Variants in SLC25A27 observed in about 807,000 individuals in gnomAD.
SLC25A27 encodes mitochondrial uncoupling protein 4.
Under a neutral mutation model 49.1 loss-of-function variants are expected in SLC25A27, and 35 were observed. The ratio of observed to expected loss-of-function variants is 0.71; its 90% CI spans 0.54 to 0.95. The LOEUF (loss-of-function observed/expected upper bound fraction) is 0.95, where lower values mean the gene tolerates loss of function less well. Among genes scored for constraint, SLC25A27 ranks in the 40% least tolerant of loss-of-function variants. SLC25A27 has a pLI of 0.00. For synonymous variants in SLC25A27, 144 were observed against 136.9 expected, an observed-to-expected ratio of 1.05 and a Z score of -0.36; for missense variants, 339 against 397.1, an observed-to-expected ratio of 0.85 and a Z score of 1.24.
chr6:46,662,982 A>G (rs1029778407), intron 4 of SLC25A27, among the ~76,000 whole-genome samples: 1 of 152,206 alleles, frequency 6.6e-6, no homozygotes, highest in Non-Finnish European at 1.5e-5. Context: ...AGAGAGTAGC[A>G]AGGATAACGT....
At position 46,677,899 on chromosome 6, in the gene SLC25A27, A is replaced by G. The variant is rs1763854583; in HGVS notation, c.*1445A>G. 1 of 152,276 alleles carries G rather than the reference A, an allele frequency of 6.6e-6. No homozygotes were observed. Among genetic ancestry groups the G allele is most frequent in the Admixed American group, 6.6e-5 (1 of 15,240 alleles). The allele number at this position is 152,276 out of a possible 1,614,324, so 9.4% of individuals were successfully genotyped here. A position where few individuals can be genotyped will look rare whatever the true frequency, so the allele number is the denominator to read the frequency against. On this transcript the variant is annotated 3_prime_UTR_variant, in exon 9 of 9. Transcript: ENST00000371347. ...GGAAGTACATTTTAAAATATATTTGAATGTCATGTACTGATATGCAGTAGC... is the reference window on the plus strand; with the variant it reads ...GGAAGTACATTTTAAAATATATTTGGATGTCATGTACTGATATGCAGTAGC...
chr6:46,675,423 A>G (rs1191838089), intron 8 of SLC25A27, among the ~76,000 whole-genome samples: 2 of 152,122 alleles, frequency 1.3e-5, no homozygotes, highest in African/African-American at 2.4e-5. Flanking sequence ...CTATGTCATC[A>G]TACCTTTAAA....
chr6:46,673,770 C>G (rs1763648541), intron 8 of SLC25A27, among the ~76,000 whole-genome samples: 1 of 152,122 alleles, frequency 6.6e-6, no homozygotes, highest in Non-Finnish European at 1.5e-5. Flanking sequence ...TAGATGAACT[C>G]TATGGAGCAC....
At chr6:46,662,306 T>G in intron 3 of SLC25A27, 70 bp from the exon 4 acceptor site, 1 of 1,370,104 alleles carries the variant, frequency 7.3e-7, no homozygotes. Context: ...CTGTACCAGC[T>G]CAGTATTGGT....
intron 2 of SLC25A27, among the ~76,000 whole-genome samples, chr6:46,657,289 C>A (rs1763015960): frequency 6.6e-6 from 1 of 152,014 alleles, no homozygotes; most frequent in Non-Finnish European, 1.5e-5. Context: ...ATGGTGAAAC[C>A]CTGTCTCTAC....
In SLC25A27 at chr6:46,653,719, A is replaced by G. The variant is rs541081433; in HGVS notation, c.106+421A>G. On this transcript the variant is annotated intron_variant, in intron 1 of 8. Coordinates refer to ENST00000371347, the MANE Select transcript of SLC25A27 (RefSeq NM_004277.5). Reference sequence around the variant, plus strand: ...TCTTGTGGGTCCAAGTTGTGGACCTACCTTGTGGGACTTCCGTTATTAACC... The same window carrying G: ...TCTTGTGGGTCCAAGTTGTGGACCTGCCTTGTGGGACTTCCGTTATTAACC... 1.2e-4 allele frequency: 119 copies of G among 985,294 alleles called. No individual in the cohort carries two copies. The South Asian group carries it at 3.4e-3, about 28-fold the overall frequency. 61.0% of individuals were successfully genotyped at this position (985,294 alleles called of 1,614,324 possible).
At chr6:46,661,148 T>C (rs919156280) in intron 3 of SLC25A27, among the ~76,000 whole-genome samples, 1 of 152,184 alleles carries the variant, frequency 6.6e-6, no homozygotes, top group African/African-American at 2.4e-5. Context: ...AAAAGAGTGG[T>C]TATGAGAGAT....
chr6:46,676,047 G>C (rs1763771999), intron 8 of SLC25A27, among the ~76,000 whole-genome samples: 1 of 152,078 alleles, frequency 6.6e-6, no homozygotes. Context: ...TCAATAAAAA[G>C]AACTCTGAGA....
rs1193017437 is a variant in SLC25A27, at chr6:46,662,379, A to G, written c.387A>G (p.Lys129=). The change falls in exon 4 of 9, where the codon AAA becomes AAG. Residue 129 remains lysine (K), a synonymous_variant. Coordinates refer to ENST00000371347, the MANE Select transcript of SLC25A27 (RefSeq NM_004277.5). ...AAGAATTTCCTTCTGCAATTAGGAA[A>G]TCAGTCATTGGAGGGATGATGGCTG... ...KSEDEHYPLW[K]SVIGGMMAGV... 2 of 1,612,500 alleles carry G rather than the reference A, an allele frequency of 1.2e-6. No individual in the cohort carries two copies. The highest frequency in any genetic ancestry group is 1.7e-6 in the Non-Finnish European group (2 of 1,179,592).
chr6:46,658,067 C>A (rs1763044392), intron 2 of SLC25A27, among the ~76,000 whole-genome samples: 1 of 152,170 alleles, frequency 6.6e-6, no homozygotes, highest in Non-Finnish European at 1.5e-5. Context: ...CATAATGTTT[C>A]CTGAAGCATG....
At chr6:46,665,440 C>T (rs953811081) in intron 5 of SLC25A27, among the ~76,000 whole-genome samples, 1 of 152,066 alleles carries the variant, frequency 6.6e-6, no homozygotes, top group Non-Finnish European at 1.5e-5. Flanking sequence ...AATCCCAGGA[C>T]TTTGGGAGGC....
chr6:46,663,175 G>T (rs892614137), intron 4 of SLC25A27, among the ~76,000 whole-genome samples: 7 of 152,060 alleles, frequency 4.6e-5, no homozygotes, highest in African/African-American at 1.7e-4. Flanking sequence ...AGTTTCCCCT[G>T]GGAAAGGGAC....
chr6:46,673,753 A>T (rs1334370400), intron 8 of SLC25A27, among the ~76,000 whole-genome samples: 1 of 152,168 alleles, frequency 6.6e-6, no homozygotes, highest in African/African-American at 2.4e-5. Flanking sequence ...GGCCAAGCCT[A>T]GTAGTTTAGA....
At position 46,655,531 on chromosome 6, in the gene SLC25A27, GTT is replaced by G. The variant is rs1283936753; in HGVS notation, c.107-310_107-309del. 8.1e-5 allele frequency among the ~76,000 whole-genome samples: 8 copies of G among 98,548 alleles called. No homozygotes were observed. The East Asian group carries it at 1.8e-3, about 23-fold the overall frequency. 64.7% of individuals were successfully genotyped at this position (98,548 alleles called of 152,430 possible). On this transcript the variant is annotated intron_variant, in intron 1 of 8. Transcript: ENST00000371347. ...TGTCATTTTAATTTTTATTGTTAATGTTTGTTTTTTTTTTTTTTTTTTTTTTT... is the reference window on the plus strand; with the variant it reads ...TGTCATTTTAATTTTTATTGTTAATGTGTTTTTTTTTTTTTTTTTTTTTTT...
Position 46,653,805 on chromosome 6 carries a change from C to T in SLC25A27, c.106+507C>T, listed in dbSNP as rs1048965739. ...GAGTGTAATTCATCTATACTGTTTA[C>T]CTTGCAGGATTCTGAGAAGTCAATA... On this transcript the variant is annotated intron_variant, in intron 1 of 8. Coordinates refer to ENST00000371347, the MANE Select transcript of SLC25A27 (RefSeq NM_004277.5). The T allele has an allele frequency of 6.1e-6, 6 of 985,088 alleles. No homozygotes were observed. The African/African-American group carries it at 1.0e-4, about 17-fold the overall frequency. 61.0% of individuals were successfully genotyped at this position (985,088 alleles called of 1,614,324 possible). A position where few individuals can be genotyped will look rare whatever the true frequency, so the allele number is the denominator to read the frequency against.
In SLC25A27 at chr6:46,676,686, C is replaced by G; in HGVS notation, c.*232C>G. ...CTCACAAGGCCATCCAATGAGACCCCGCACAGCATTTTCTAAAGAAGAATC... is the reference window on the plus strand; with the variant it reads ...CTCACAAGGCCATCCAATGAGACCCGGCACAGCATTTTCTAAAGAAGAATC... On this transcript the variant is annotated 3_prime_UTR_variant, in exon 9 of 9. Transcript: ENST00000371347. 2 of 1,550,480 alleles carry G rather than the reference C, an allele frequency of 1.3e-6. No homozygotes were observed. Among genetic ancestry groups the G allele is most frequent in the Non-Finnish European group, 1.7e-6 (2 of 1,146,788 alleles).
At chr6:46,666,370 G>C (rs957363406) in intron 5 of SLC25A27, among the ~76,000 whole-genome samples, 51 of 152,196 alleles carry the variant, frequency 3.4e-4, no homozygotes, top group African/African-American at 1.0e-3. Context: ...ACCCTCATAC[G>C]TAGTCAATAA....
chr6:46,664,653 G>T, intron 4 of SLC25A27, 121 bp from the exon 5 acceptor site: 2 of 485,664 alleles, frequency 4.1e-6, no homozygotes, highest in Non-Finnish European at 7.3e-6. Context: ...AATAATTCTG[G>T]ATAAATTATA....
intron 5 of SLC25A27, among the ~76,000 whole-genome samples, chr6:46,666,964 G>A (rs1286009126): frequency 6.6e-6 from 1 of 151,950 alleles, no homozygotes; most frequent in Non-Finnish European, 1.5e-5. Context: ...CTCCATTCCT[G>A]GAGCCATTCT....
Sources: gnomAD v4.1 joint callset for allele counts (sites outside exome capture counted in the v4.1 genomes callset) on GRCh38, gnomAD v4.1.1 for gene constraint, MANE v1.5 for transcripts, NCBI Gene and HGNC (gene_info 2026-07-23, HGNC 2026-07-21) for gene names.